The following SMYD3 variants were observed in gnomAD, a reference collection of about 807,000 sequenced individuals.
SMYD3 encodes the protein histone-lysine N-methyltransferase SMYD3.
Under a neutral mutation model 57.7 loss-of-function variants are expected in SMYD3, and 36 were observed. That is an observed-to-expected ratio of 0.62 (90% confidence interval 0.48 to 0.82). The LOEUF is 0.82. SMYD3 is among the 40% of genes least tolerant of loss of function. The pLI is 0.00. For synonymous variants in SMYD3, 211 were observed against 195.0 expected, an observed-to-expected ratio of 1.08 and a Z score of -0.68; for missense variants, 515 against 538.8, an observed-to-expected ratio of 0.96 and a Z score of 0.44.
chr1:246,292,431 C>A (rs543289780), intron 5 of SMYD3, among the ~76,000 whole-genome samples: 3 of 151,238 alleles, frequency 2.0e-5, no homozygotes, highest in South Asian at 2.1e-4. Flanking sequence ...ACACCAGTAC[C>A]TTAGACTTAC....
At chr1:245,797,828 CAAAAA>C (rs559088835) in intron 10 of SMYD3, among the ~76,000 whole-genome samples, 1,099 of 109,434 alleles carry the variant, frequency 0.01, 25 homozygotes, top group African/African-American at 0.039. Flanking sequence ...TTCCGGGTTC[CAAAAA>C]AAAAAAAAAA....
At chr1:246,470,003 G>C (rs11581753) in intron 1 of SMYD3, among the ~76,000 whole-genome samples, 27,208 of 152,160 alleles carry the variant, frequency 0.18, 3,084 homozygotes, top group Non-Finnish European at 0.24. Flanking sequence ...ACTGTCTTAT[G>C]TAATACTCTG....
chr1:246,273,040 A>G (rs187247497), intron 5 of SMYD3, among the ~76,000 whole-genome samples: 85 of 150,494 alleles, frequency 5.6e-4, no homozygotes, highest in African/African-American at 1.9e-3. Context: ...TGTCCCTTTC[A>G]TCTAGGGTAT....
intron 8 of SMYD3, among the ~76,000 whole-genome samples, chr1:245,892,298 A>ATAC (rs2053437257): frequency 6.6e-6 from 1 of 152,210 alleles, no homozygotes; most frequent in Non-Finnish European, 1.5e-5. Flanking sequence ...AATAATAATA[A>ATAC]TGGCTACCAT....
chr1:246,169,394 A>AC (rs1447183458), intron 5 of SMYD3, among the ~76,000 whole-genome samples: 113 of 150,638 alleles, frequency 7.5e-4, no homozygotes, highest in African/African-American at 2.5e-3. Flanking sequence ...AAAAAAAAAA[A>AC]AAAAAAAAAA....
At chr1:246,492,405 G>A (rs899703629) in intron 1 of SMYD3, among the ~76,000 whole-genome samples, 2 of 152,162 alleles carry the variant, frequency 1.3e-5, no homozygotes, top group African/African-American at 4.8e-5. Context: ...AACGCCGATG[G>A]CTCCTGACTA....
intron 1 of SMYD3, among the ~76,000 whole-genome samples, chr1:246,404,661 A>G (rs1052767376): frequency 8.5e-5 from 13 of 152,054 alleles, no homozygotes; most frequent in African/African-American, 3.1e-4. Flanking sequence ...TCTTTACTTG[A>G]TCTCTGTGCC....
intron 5 of SMYD3, among the ~76,000 whole-genome samples, chr1:246,239,097 T>C (rs1269380293): frequency 6.6e-6 from 1 of 152,078 alleles, no homozygotes; most frequent in Non-Finnish European, 1.5e-5. Flanking sequence ...TTTTAAGCAG[T>C]TATGATTTTT....
intron 5 of SMYD3, among the ~76,000 whole-genome samples, chr1:246,292,639 G>A (rs1245311799): frequency 1.3e-5 from 2 of 152,182 alleles, no homozygotes; most frequent in Non-Finnish European, 2.9e-5. Context: ...TATAAATTTT[G>A]TAGGGATATG....
At chr1:246,384,762 G>C (rs2066447651) in intron 1 of SMYD3, among the ~76,000 whole-genome samples, 1 of 152,058 alleles carries the variant, frequency 6.6e-6, no homozygotes, top group South Asian at 2.1e-4. Context: ...TCCTTAAAAA[G>C]CCTAGGTTTG....
intron 10 of SMYD3, among the ~76,000 whole-genome samples, chr1:245,854,149 G>C (rs997096051): frequency 1.3e-5 from 2 of 152,154 alleles, no homozygotes; most frequent in African/African-American, 4.8e-5. Context: ...AGAGATGAAG[G>C]CCCTAATACG....
chr1:246,228,764 G>GA (rs1375058264), intron 5 of SMYD3, among the ~76,000 whole-genome samples: 2 of 151,858 alleles, frequency 1.3e-5, no homozygotes, highest in African/African-American at 2.4e-5. Flanking sequence ...ATCACTTTAT[G>GA]AAAAAAATTA....
chr1:246,404,841 A>G (rs1323684210), intron 1 of SMYD3, among the ~76,000 whole-genome samples: 1 of 152,214 alleles, frequency 6.6e-6, no homozygotes. Context: ...GAGCAAGTAT[A>G]AAACCTTTCT....
chr1:246,356,125 A>G (rs2065907033), intron 1 of SMYD3, among the ~76,000 whole-genome samples: 1 of 110,844 alleles, frequency 9.0e-6, no homozygotes, highest in South Asian at 2.6e-4. Context: ...CAGGACTCTT[A>G]GCAGTCACTC....
At chr1:246,434,085 G>T (rs2067335567) in intron 1 of SMYD3, among the ~76,000 whole-genome samples, 1 of 152,222 alleles carries the variant, frequency 6.6e-6, no homozygotes, top group African/African-American at 2.4e-5. Context: ...AATACAACTG[G>T]ACCTCTACCT....
intron 5 of SMYD3, among the ~76,000 whole-genome samples, chr1:246,216,274 A>G (rs2063161834): frequency 6.9e-6 from 1 of 145,416 alleles, no homozygotes. Flanking sequence ...GCAGTAGAGT[A>G]AGACTCCATT....
chr1:246,274,733 A>T (rs1463709015), intron 5 of SMYD3, among the ~76,000 whole-genome samples: 1 of 152,038 alleles, frequency 6.6e-6, no homozygotes, highest in Non-Finnish European at 1.5e-5. Context: ...ATATGACAAA[A>T]AGCACCTTTC....
intron 8 of SMYD3, among the ~76,000 whole-genome samples, chr1:245,894,089 T>C (rs1050737033): frequency 2.0e-5 from 3 of 151,512 alleles, no homozygotes; most frequent in South Asian, 2.1e-4. Flanking sequence ...CAGGGTGGAG[T>C]GGGGAATTGG....
chr1:246,034,873 C>G (rs1424644142), intron 5 of SMYD3, among the ~76,000 whole-genome samples: 1 of 152,152 alleles, frequency 6.6e-6, no homozygotes, highest in African/African-American at 2.4e-5. Context: ...TGCCAGATCC[C>G]TGCCGCACAA....
Sources: gnomAD v4.1 joint callset for allele counts (sites outside exome capture counted in the v4.1 genomes callset) on GRCh38, gnomAD v4.1.1 for gene constraint, MANE v1.5 for transcripts, NCBI Gene and HGNC (gene_info 2026-07-23, HGNC 2026-07-21) for gene names.